The following HOOK3 variants were observed in gnomAD, a reference collection of about 807,000 sequenced individuals.
HOOK3 encodes the protein protein Hook homolog 3.
Under a neutral mutation model 116.3 loss-of-function variants are expected in HOOK3, and 24 were observed. The observed-to-expected ratio is 0.21, with a 90% CI of 0.15 to 0.29. The LOEUF is 0.29. Ranked by LOEUF, HOOK3 falls within the 10% of genes least tolerant of loss-of-function variation. The pLI, the probability that HOOK3 is intolerant of heterozygous loss-of-function variation, is 1.00. For missense variants in HOOK3, 632 were observed against 830.2 expected (o/e 0.76, Z 2.93); for synonymous variants, 275 against 283.0 (o/e 0.97, Z 0.28).
chr8:42,907,978 G>A (rs1322759043), intron 2 of HOOK3, among the ~76,000 whole-genome samples: 5 of 151,944 alleles, frequency 3.3e-5, no homozygotes, highest in Non-Finnish European at 5.9e-5. Context: ...AAAGTTGCAG[G>A]ATACAAAATC....
chr8:42,979,965 C>CTT (rs1194992402), intron 13 of HOOK3, among the ~76,000 whole-genome samples: 3 of 138,656 alleles, frequency 2.2e-5, no homozygotes, highest in South Asian at 2.3e-4. Flanking sequence ...TTTTTCTTTT[C>CTT]TTTTTTTTTT....
intron 2 of HOOK3, among the ~76,000 whole-genome samples, chr8:42,916,136 C>T (rs1308241600): frequency 1.3e-5 from 2 of 152,210 alleles, no homozygotes; most frequent in Non-Finnish European, 2.9e-5. Flanking sequence ...CTTCCAGCAC[C>T]CCTGACATTG....
At chr8:42,975,792 G>A (rs1349293747) in intron 13 of HOOK3, among the ~76,000 whole-genome samples, 4 of 152,232 alleles carry the variant, frequency 2.6e-5, no homozygotes, top group South Asian at 4.2e-4. Flanking sequence ...TGCAACCTCC[G>A]CCTCCCAGGT....
chr8:43,016,364 C>T (rs532258200), intron 21 of HOOK3, among the ~76,000 whole-genome samples: 3 of 152,240 alleles, frequency 2.0e-5, no homozygotes, highest in African/African-American at 4.8e-5. Context: ...TCATGATCCA[C>T]CCTCCTCGGC....
At chr8:42,952,464 G>A (rs1031747499) in intron 6 of HOOK3, among the ~76,000 whole-genome samples, 1 of 152,294 alleles carries the variant, frequency 6.6e-6, no homozygotes, top group South Asian at 2.1e-4. Flanking sequence ...CATTACATGG[G>A]TATGTTTGAT....
chr8:42,912,334 C>T (rs558845253), intron 2 of HOOK3, among the ~76,000 whole-genome samples: 10 of 151,856 alleles, frequency 6.6e-5, no homozygotes, highest in Admixed American at 2.6e-4. Flanking sequence ...TGATTTACAG[C>T]CTTCAAAATT....
At chr8:42,962,400 C>T (rs935123083) in intron 8 of HOOK3, among the ~76,000 whole-genome samples, 2 of 150,388 alleles carry the variant, frequency 1.3e-5, no homozygotes, top group African/African-American at 4.9e-5. Flanking sequence ...CTGCACCTGG[C>T]CCGTGTGTTT....
intron 2 of HOOK3, 115 bp downstream of exon 2, chr8:42,906,373 C>A: frequency 2.8e-6 from 2 of 718,924 alleles, no homozygotes; most frequent in Non-Finnish European, 2.4e-6. Context: ...GAGTTGTAGG[C>A]GGCAGCAGCA....
At chr8:42,899,554 T>C (rs1392578883) in intron 1 of HOOK3, among the ~76,000 whole-genome samples, 2 of 152,250 alleles carry the variant, frequency 1.3e-5, no homozygotes, top group East Asian at 1.9e-4. Context: ...CATTTAAATG[T>C]ATAATATCAC....
chr8:42,978,034 C>G (rs1808861820), intron 13 of HOOK3, among the ~76,000 whole-genome samples: 1 of 152,190 alleles, frequency 6.6e-6, no homozygotes, highest in Non-Finnish European at 1.5e-5. Context: ...AGTAACTAAA[C>G]TGTCCAAGAC....
chr8:42,991,424 A>T (rs1586624990), intron 15 of HOOK3, among the ~76,000 whole-genome samples: 1 of 124,830 alleles, frequency 8.0e-6, no homozygotes, highest in African/African-American at 3.1e-5. Context: ...CCTTTTGGAG[A>T]TAGAGTCTGT....
At chr8:42,956,644 G>A (rs1480296789) in intron 6 of HOOK3, among the ~76,000 whole-genome samples, 1 of 152,016 alleles carries the variant, frequency 6.6e-6, no homozygotes, top group African/African-American at 2.4e-5. Flanking sequence ...GAGTGCAATG[G>A]CACCATCTCG....
chr8:42,983,485 ATTTAT>A (rs1455172358), intron 14 of HOOK3, among the ~76,000 whole-genome samples: 1 of 151,894 alleles, frequency 6.6e-6, no homozygotes, highest in Non-Finnish European at 1.5e-5. Context: ...TAAAAATTCC[ATTTAT>A]TTATTTATTT....
chr8:42,953,058 C>T (rs1808370659), intron 6 of HOOK3, among the ~76,000 whole-genome samples: 3 of 152,024 alleles, frequency 2.0e-5, no homozygotes. Context: ...GGAATTCTCA[C>T]TCCTGTTAGC....
chr8:43,004,910 G>A (rs965727093), intron 17 of HOOK3, among the ~76,000 whole-genome samples: 1 of 151,886 alleles, frequency 6.6e-6, no homozygotes, highest in Non-Finnish European at 1.5e-5. Flanking sequence ...AATATTGTCC[G>A]TGCATACCAG....
chr8:42,969,619 ACT>A (rs1254003870), intron 11 of HOOK3, among the ~76,000 whole-genome samples: 1 of 152,128 alleles, frequency 6.6e-6, no homozygotes, highest in African/African-American at 2.4e-5. Flanking sequence ...GCCGCATGTG[ACT>A]CTGCTGGCAA....
At chr8:42,961,947 C>T (rs916463099) in intron 8 of HOOK3, among the ~76,000 whole-genome samples, 1 of 152,036 alleles carries the variant, frequency 6.6e-6, no homozygotes, top group Non-Finnish European at 1.5e-5. Context: ...CCACCACACC[C>T]AGCTAATTCT....
chr8:42,987,833 CT>C (rs998688300), intron 15 of HOOK3, among the ~76,000 whole-genome samples: 3 of 150,150 alleles, frequency 2.0e-5, no homozygotes, highest in Non-Finnish European at 4.4e-5. Context: ...GTTTTTTTTT[CT>C]TTTTTTGTTT....
chr8:43,024,581 G>C lies in HOOK3; in HGVS notation c.*6083G>C, dbSNP rs950593233. 6 of 185,788 alleles carry C rather than the reference G, an allele frequency of 3.2e-5. No homozygotes were observed. Among genetic ancestry groups the C allele is most frequent in the Non-Finnish European group, 6.8e-5 (6 of 87,972 alleles). The allele number at this position is 185,788 out of a possible 1,614,324, so 11.5% of individuals were successfully genotyped here. On this transcript the variant is annotated 3_prime_UTR_variant, in exon 22 of 22. Transcript: ENST00000307602. ...TTCTTGATAACTATAATAATGATTT[G>C]AATGTTTTATATCATGAAGTTTTTT...
Sources: gnomAD v4.1 joint callset for allele counts (sites outside exome capture counted in the v4.1 genomes callset) on GRCh38, gnomAD v4.1.1 for gene constraint, MANE v1.5 for transcripts, NCBI Gene and HGNC (gene_info 2026-07-23, HGNC 2026-07-21) for gene names.